Variants in CSRNP3 observed in about 807,000 individuals in gnomAD.
The protein encoded by CSRNP3 is cysteine and serine rich nuclear protein 3, also known as cysteine/serine-rich nuclear protein 3.
In CSRNP3, 12 loss-of-function variants were observed where a neutral mutation model predicts 48.0. The observed-to-expected ratio is 0.25, with a 90% CI of 0.16 to 0.41. The LOEUF (loss-of-function observed/expected upper bound fraction) is 0.41, where lower values mean the gene tolerates loss of function less well. Among genes scored for constraint, CSRNP3 ranks in the 10% least tolerant of loss-of-function variants. The pLI, the probability that CSRNP3 is intolerant of heterozygous loss-of-function variation, is 1.00. For missense variants in CSRNP3, 580 were observed against 724.4 expected (o/e 0.80, Z 2.29); for synonymous variants, 263 against 269.7 (o/e 0.98, Z 0.24).
intron 3 of CSRNP3, among the ~76,000 whole-genome samples, chr2:165,588,416 G>A (rs1230626753): frequency 6.6e-6 from 1 of 152,190 alleles, no homozygotes; most frequent in African/African-American, 2.4e-5. Context: ...TTATCATTCT[G>A]CCTGCAACCT....
At chr2:165,615,743 TA>T (rs1273659407) in intron 4 of CSRNP3, among the ~76,000 whole-genome samples, 2 of 151,988 alleles carry the variant, frequency 1.3e-5, no homozygotes, top group Non-Finnish European at 2.9e-5. Flanking sequence ...TTTATTTATT[TA>T]TTTTTTTTGA....
At chr2:165,592,806 T>C (rs1226716433) in intron 3 of CSRNP3, among the ~76,000 whole-genome samples, 1 of 144,396 alleles carries the variant, frequency 6.9e-6, no homozygotes, top group Non-Finnish European at 1.5e-5. Context: ...CTTTTCATTT[T>C]TTTTTTTTTT....
chr2:165,669,121 A>G (rs1342937543), intron 5 of CSRNP3, among the ~76,000 whole-genome samples: 1 of 152,156 alleles, frequency 6.6e-6, no homozygotes, highest in Non-Finnish European at 1.5e-5. Context: ...CATCATCCTT[A>G]TTATAATATG....
At chr2:165,526,571 G>C (rs1558925286) in intron 3 of CSRNP3, among the ~76,000 whole-genome samples, 1 of 152,112 alleles carries the variant, frequency 6.6e-6, no homozygotes, top group Non-Finnish European at 1.5e-5. Flanking sequence ...AAAATATAAA[G>C]CTTTGGGAAA....
At chr2:165,552,076 C>T (rs370388210) in intron 3 of CSRNP3, among the ~76,000 whole-genome samples, 66 of 152,368 alleles carry the variant, frequency 4.3e-4, no homozygotes, top group African/African-American at 1.3e-3. Context: ...GGAACCCAGG[C>T]TGCTGAGCAG....
chr2:165,532,175 G>C (rs1346013972), intron 3 of CSRNP3, among the ~76,000 whole-genome samples: 6 of 151,940 alleles, frequency 3.9e-5, no homozygotes, highest in East Asian at 1.9e-4. Flanking sequence ...TTCCAATCAA[G>C]AGAAAAAGAG....
At chr2:165,625,636 A>G in intron 4 of CSRNP3, among the ~76,000 whole-genome samples, 1 of 145,742 alleles carries the variant, frequency 6.9e-6, no homozygotes, top group South Asian at 2.1e-4. Context: ...TCTGTCAAAA[A>G]AAAAGAAAAG....
chr2:165,599,293 G>GAAAGAAAA (rs1685865379), intron 4 of CSRNP3, among the ~76,000 whole-genome samples: 1 of 99,438 alleles, frequency 1.0e-5, no homozygotes, highest in African/African-American at 2.9e-5. Flanking sequence ...GAGAAAGAAA[G>GAAAGAAAA]AAAGAAAGAA....
At chr2:165,650,657 C>G (rs1686889239) in intron 4 of CSRNP3, among the ~76,000 whole-genome samples, 1 of 152,176 alleles carries the variant, frequency 6.6e-6, no homozygotes, top group Non-Finnish European at 1.5e-5. Context: ...AAGCAACACA[C>G]ACAACTTCAG....
chr2:165,540,976 T>C (rs987331060), intron 3 of CSRNP3, among the ~76,000 whole-genome samples: 16 of 152,210 alleles, frequency 1.1e-4, no homozygotes, highest in Middle Eastern at 3.4e-3. Context: ...GGCGGGGTTT[T>C]CTCTGAAGAG....
intron 3 of CSRNP3, among the ~76,000 whole-genome samples, chr2:165,563,929 G>A (rs538893367): frequency 1.1e-4 from 17 of 151,636 alleles, no homozygotes; most frequent in African/African-American, 3.9e-4. Context: ...AATCTCCCCC[G>A]CTCCCCCCAG....
intron 5 of CSRNP3, among the ~76,000 whole-genome samples, chr2:165,675,004 C>T (rs1687399887): frequency 6.6e-6 from 1 of 152,062 alleles, no homozygotes; most frequent in African/African-American, 2.4e-5. Flanking sequence ...CGAGCCACTG[C>T]ACCTGGCCTT....
chr2:165,651,743 C>T (rs1373455433), intron 4 of CSRNP3, among the ~76,000 whole-genome samples: 2 of 150,930 alleles, frequency 1.3e-5, no homozygotes, highest in East Asian at 1.9e-4. Flanking sequence ...GCAACCTCTG[C>T]CTCCCGGGTT....
rs189548092 is a variant in CSRNP3, at chr2:165,626,911, C to T, written c.149-30850C>T. The stretch of plus-strand genomic sequence containing the variant: ...GAACACAATGAACAGATCCTTTTTC[C>T]TTTCTGTAGTTGAACCTCCTTCACC... On this transcript the variant is annotated intron_variant, in intron 4 of 6. Coordinates refer to ENST00000651982, the MANE Select transcript of CSRNP3 (RefSeq NM_001172173.2). Among the ~76,000 whole-genome samples, 6 of 152,270 alleles carry T rather than the reference C, an allele frequency of 3.9e-5. No individual in the cohort carries two copies. In the East Asian group the frequency reaches 7.7e-4, roughly 20 times the overall value.
intron 2 of CSRNP3, among the ~76,000 whole-genome samples, chr2:165,504,440 G>A (rs1391174866): frequency 6.6e-6 from 1 of 152,004 alleles, no homozygotes; most frequent in Non-Finnish European, 1.5e-5. Flanking sequence ...TATAAACGCT[G>A]GCATTAAAAA....
chr2:165,492,045 C>T (rs1380384434), intron 1 of CSRNP3, among the ~76,000 whole-genome samples: 3 of 151,834 alleles, frequency 2.0e-5, no homozygotes. Context: ...ACCTTCCCTC[C>T]ACTTTGTCCT....
Position 165,666,597 on chromosome 2 carries a change from AG to A in CSRNP3, c.408+8578del, listed in dbSNP as rs1455174791. Reference sequence around the variant, plus strand: ...AGAGAGGAAGGAAGGAAGGGAGGATAGAGAGAGATGAAGAAAGAGAGAAAGG... The same window carrying A: ...AGAGAGGAAGGAAGGAAGGGAGGATAAGAGAGATGAAGAAAGAGAGAAAGG... On this transcript the variant is annotated intron_variant, in intron 5 of 6. Transcript: ENST00000651982. 1.2e-4 allele frequency among the ~76,000 whole-genome samples: 5 copies of A among 42,900 alleles called. 2 individuals carry two copies. Among genetic ancestry groups the A allele is most frequent in the African/African-American group, 3.8e-4 (5 of 13,166 alleles). 28.1% of individuals were successfully genotyped at this position (42,900 alleles called of 152,430 possible). A position where few individuals can be genotyped will look rare whatever the true frequency, so the allele number is the denominator to read the frequency against.
In CSRNP3 at chr2:165,570,490, T is replaced by C. The variant is rs373896794; in HGVS notation, c.-23-24553T>C. Among the ~76,000 whole-genome samples, 7 of 152,064 alleles carry C rather than the reference T, an allele frequency of 4.6e-5. No homozygotes were observed. The South Asian group carries it at 6.2e-4, about 14-fold the overall frequency. ...TTTTTCCCAATTTCTCAGCTCTTGTTCTCCCACTCTCACTTTCTAAAAACT... is the reference window on the plus strand; with the variant it reads ...TTTTTCCCAATTTCTCAGCTCTTGTCCTCCCACTCTCACTTTCTAAAAACT... On this transcript the variant is annotated intron_variant, in intron 3 of 6. Transcript: ENST00000651982.
At chr2:165,661,807 G>T (rs142552134) in intron 5 of CSRNP3, among the ~76,000 whole-genome samples, 3 of 152,260 alleles carry the variant, frequency 2.0e-5, no homozygotes, top group African/African-American at 7.2e-5. Flanking sequence ...GTGAGGAAAG[G>T]CAGCATCTGA....
Sources: gnomAD v4.1 joint callset for allele counts (sites outside exome capture counted in the v4.1 genomes callset) on GRCh38, gnomAD v4.1.1 for gene constraint, MANE v1.5 for transcripts, NCBI Gene and HGNC (gene_info 2026-07-23, HGNC 2026-07-21) for gene names.